Variants in CSTPP1 observed in about 807,000 individuals in gnomAD.
The protein encoded by CSTPP1 is centriolar satellite-associated tubulin polyglutamylase complex regulator 1.
the CSTPP1 span, chr11:47,161,927 C>CT: frequency 8.5e-7 from 1 of 1,182,302 alleles, no homozygotes; most frequent in Non-Finnish European, 1.1e-6. Context: ...GTTAGTCCTC[C>CT]TAACCTCTTA....
At chr11:47,027,451 C>T in the CSTPP1 span, among the ~76,000 whole-genome samples, 3 of 152,118 alleles carry the variant, frequency 2.0e-5, no homozygotes, top group Non-Finnish European at 2.9e-5. Flanking sequence ...TGGAAAGAAC[C>T]GTCTTTCTTC....
chr11:46,952,320 G>A, the CSTPP1 span, among the ~76,000 whole-genome samples: 1 of 152,200 alleles, frequency 6.6e-6, no homozygotes, highest in Admixed American at 6.5e-5. Context: ...GACCTTTTAG[G>A]CAAGTGAAGC....
chr11:47,152,554 C>T, the CSTPP1 span, among the ~76,000 whole-genome samples: 3 of 152,190 alleles, frequency 2.0e-5, no homozygotes, highest in African/African-American at 7.2e-5. Flanking sequence ...TTGGGAAGTA[C>T]GAGCTCAAGC....
the CSTPP1 span, among the ~76,000 whole-genome samples, chr11:47,074,713 T>C: frequency 1.2e-4 from 18 of 152,346 alleles, no homozygotes; most frequent in African/African-American, 4.3e-4. Context: ...TTACAATGTA[T>C]ACAAGTCTTC....
the CSTPP1 span, among the ~76,000 whole-genome samples, chr11:47,101,179 TTTTTTTTTTTATTTTA>T: frequency 1.1e-5 from 1 of 94,572 alleles, no homozygotes; most frequent in South Asian, 4.9e-4. Context: ...TTTTTTTTTT[TTTTTTTTTTTATTTTA>T]TTTTTAGTAG....
the CSTPP1 span, among the ~76,000 whole-genome samples, chr11:46,981,586 A>C: frequency 6.6e-6 from 1 of 152,116 alleles, no homozygotes; most frequent in Non-Finnish European, 1.5e-5. Flanking sequence ...AATACAACGT[A>C]AGATGGGGCA....
chr11:47,034,121 TA>T, the CSTPP1 span, among the ~76,000 whole-genome samples: 1 of 150,824 alleles, frequency 6.6e-6, no homozygotes, highest in Non-Finnish European at 1.5e-5. Flanking sequence ...TATATAAAAA[TA>T]AAAAAATAAA....
the CSTPP1 span, chr11:47,161,796 A>G: frequency 7.1e-7 from 1 of 1,412,434 alleles, no homozygotes; most frequent in Non-Finnish European, 9.2e-7. Flanking sequence ...TCTGATGATC[A>G]GCCCAGCCAG....
At chr11:46,995,150 A>G in the CSTPP1 span, among the ~76,000 whole-genome samples, 1 of 151,992 alleles carries the variant, frequency 6.6e-6, no homozygotes. Context: ...TATTGCGTCT[A>G]TTTGATTCTT....
At chr11:47,071,763 T>C in the CSTPP1 span, among the ~76,000 whole-genome samples, 1 of 152,236 alleles carries the variant, frequency 6.6e-6, no homozygotes, top group Non-Finnish European at 1.5e-5. Flanking sequence ...CTTTAAAAAC[T>C]GTATTAAAAA....
At chr11:47,069,590 G>A in the CSTPP1 span, among the ~76,000 whole-genome samples, 1 of 152,170 alleles carries the variant, frequency 6.6e-6, no homozygotes, top group Admixed American at 6.5e-5. Context: ...TTATTAGAGA[G>A]GGACGTATAA....
the CSTPP1 span, among the ~76,000 whole-genome samples, chr11:46,951,284 T>G: frequency 6.6e-6 from 1 of 150,846 alleles, no homozygotes; most frequent in African/African-American, 2.5e-5. Context: ...ATATGATATA[T>G]TCCTTAGACT....
the CSTPP1 span, among the ~76,000 whole-genome samples, chr11:47,104,927 G>A: frequency 5.3e-5 from 8 of 152,212 alleles, no homozygotes; most frequent in Non-Finnish European, 1.0e-4. Flanking sequence ...CTAGGAAAAG[G>A]CTATATCTGC....
At chr11:47,156,992 C>T in the CSTPP1 span, 2 of 1,611,766 alleles carry the variant, frequency 1.2e-6, no homozygotes, top group African/African-American at 2.7e-5. Context: ...CTGAGCCGTC[C>T]ACACCCACAC....
chr11:47,159,626 C>A, the CSTPP1 span: 8 of 456,150 alleles, frequency 1.8e-5, no homozygotes, highest in Admixed American at 1.9e-4. Context: ...TTTCTTCCCA[C>A]CAGTAGCAGC....
At chr11:46,957,547 T>C in the CSTPP1 span, among the ~76,000 whole-genome samples, 2 of 152,382 alleles carry the variant, frequency 1.3e-5, no homozygotes, top group South Asian at 4.1e-4. Flanking sequence ...TAGCTTTCTG[T>C]ATTGCTATTG....
the CSTPP1 span, among the ~76,000 whole-genome samples, chr11:46,989,009 A>T: frequency 6.6e-6 from 1 of 152,162 alleles, no homozygotes; most frequent in South Asian, 2.1e-4. Flanking sequence ...AGGTGGGCAG[A>T]TCATGAGGTC....
the CSTPP1 span, among the ~76,000 whole-genome samples, chr11:47,125,022 C>A: frequency 6.6e-6 from 1 of 152,318 alleles, no homozygotes; most frequent in East Asian, 1.9e-4. Context: ...GGAACAGTAA[C>A]TACTAACATC....
the CSTPP1 span, among the ~76,000 whole-genome samples, chr11:47,134,943 T>C: frequency 1.8e-4 from 28 of 152,042 alleles, no homozygotes; most frequent in Admixed American, 4.6e-4. Context: ...ACCCCGTCTC[T>C]ACAAAAATTT....
Sources: gnomAD v4.1 joint callset for allele counts (sites outside exome capture counted in the v4.1 genomes callset) on GRCh38, gnomAD v4.1.1 for gene constraint, MANE v1.5 for transcripts, NCBI Gene and HGNC (gene_info 2026-07-23, HGNC 2026-07-21) for gene names.